COXFA4: variants seen among roughly 807,000 people sequenced by gnomAD.
The protein encoded by COXFA4 is cytochrome c oxidase associated subunit FA4, also known as cytochrome c oxidase subunit FA4.
the COXFA4 span, chr7:10,933,697 G>A: frequency 4.6e-5 from 74 of 1,603,514 alleles, no homozygotes; most frequent in African/African-American, 7.2e-4. Flanking sequence ...GTAGAACTTG[G>A]AACAGAAAAA....
At chr7:10,939,974 G>A in the COXFA4 span, 3 of 1,610,716 alleles carry the variant, frequency 1.9e-6, no homozygotes, top group Admixed American at 3.3e-5. Flanking sequence ...CCCGACGCAA[G>A]AAGGACAAGG....
At chr7:10,938,259 G>A in the COXFA4 span, 1 of 928,704 alleles carries the variant, frequency 1.1e-6, no homozygotes, top group African/African-American at 1.7e-5. Flanking sequence ...GATGAGGTAT[G>A]GTGTTATTTC....
the COXFA4 span, among the ~76,000 whole-genome samples, chr7:10,936,699 A>C: frequency 6.6e-6 from 1 of 152,162 alleles, no homozygotes. Context: ...AATTATAATC[A>C]GGTTAAGGGG....
chr7:10,932,767 T>G, the COXFA4 span: 4 of 152,220 alleles, frequency 2.6e-5, no homozygotes, highest in East Asian at 5.8e-4. Context: ...CTCAAGAGTT[T>G]GAGACCAGCC....
At chr7:10,935,702 T>C in the COXFA4 span, among the ~76,000 whole-genome samples, 3 of 152,194 alleles carry the variant, frequency 2.0e-5, no homozygotes, top group Admixed American at 6.5e-5. Flanking sequence ...AGGAACAGAA[T>C]TGGTTGGCAC....
At chr7:10,937,941 C>A in the COXFA4 span, 1 of 657,154 alleles carries the variant, frequency 1.5e-6, no homozygotes, top group East Asian at 2.7e-5. Flanking sequence ...AGCAATATAC[C>A]ATTTTCATTT....
At chr7:10,935,832 C>T in the COXFA4 span, among the ~76,000 whole-genome samples, 4 of 152,010 alleles carry the variant, frequency 2.6e-5, no homozygotes, top group Admixed American at 6.5e-5. Context: ...CGGCTTACAA[C>T]GACAAAAGTT....
the COXFA4 span, chr7:10,938,705 G>T: frequency 1.2e-6 from 1 of 830,942 alleles, no homozygotes. Flanking sequence ...GACTGTAAAT[G>T]TAACATTCTT....
the COXFA4 span, chr7:10,939,821 C>G: frequency 1.4e-6 from 1 of 707,890 alleles, no homozygotes; most frequent in African/African-American, 1.8e-5. Context: ...TCCTGTCAGA[C>G]AAAACCCCAC....
chr7:10,939,030 T>A, the COXFA4 span: 34 of 681,196 alleles, frequency 5.0e-5, no homozygotes, highest in African/African-American at 9.0e-5. Context: ...AAAATTTAAA[T>A]AAAGTAGATC....
At chr7:10,932,380 T>C in the COXFA4 span, 1 of 152,236 alleles carries the variant, frequency 6.6e-6, no homozygotes, top group Non-Finnish European at 1.5e-5. Flanking sequence ...CAAAACTACA[T>C]GGGTGTAAAT....
At chr7:10,937,286 T>C in the COXFA4 span, among the ~76,000 whole-genome samples, 1 of 151,868 alleles carries the variant, frequency 6.6e-6, no homozygotes, top group African/African-American at 2.4e-5. Flanking sequence ...CCTTGGTTTT[T>C]TGGGTTTTTT....
At chr7:10,939,697 A>G in the COXFA4 span, 1 of 430,350 alleles carries the variant, frequency 2.3e-6, no homozygotes, top group Non-Finnish European at 4.3e-6. Context: ...CACAGCGCAC[A>G]TCTATCCCTC....
the COXFA4 span, chr7:10,939,293 G>C: frequency 4.5e-6 from 1 of 219,808 alleles, no homozygotes; most frequent in Non-Finnish European, 9.3e-6. Flanking sequence ...TTATTTAAGG[G>C]TGCCTCTATA....
chr7:10,937,554 A>C, the COXFA4 span, among the ~76,000 whole-genome samples: 1 of 152,178 alleles, frequency 6.6e-6, no homozygotes, highest in Non-Finnish European at 1.5e-5. Context: ...AAGTGCTGGG[A>C]TTACAGGCAT....
chr7:10,933,755 T>C, the COXFA4 span: 1 of 1,231,612 alleles, frequency 8.1e-7, no homozygotes, highest in East Asian at 2.4e-5. Flanking sequence ...ACAAAGGTTT[T>C]AGAATTCTTT....
At chr7:10,936,871 A>T in the COXFA4 span, among the ~76,000 whole-genome samples, 3 of 152,056 alleles carry the variant, frequency 2.0e-5, no homozygotes, top group African/African-American at 7.2e-5. Context: ...CCCCATCTCT[A>T]CTAAAAACAC....
chr7:10,938,217 A>G, the COXFA4 span: 2 of 1,327,356 alleles, frequency 1.5e-6, no homozygotes, highest in Admixed American at 1.7e-5. Context: ...CTAAGAATAC[A>G]TTTTTGAACA....
chr7:10,935,603 A>T, the COXFA4 span, among the ~76,000 whole-genome samples: 4 of 152,168 alleles, frequency 2.6e-5, no homozygotes, highest in Non-Finnish European at 5.9e-5. Context: ...TTAGGTCATG[A>T]GGGTGGAACA....
Sources: allele counts gnomAD v4.1 joint callset (sites outside exome capture counted in the v4.1 genomes callset), GRCh38; gene constraint gnomAD v4.1.1; transcripts MANE v1.5; gene names NCBI Gene and HGNC (gene_info 2026-07-23, HGNC 2026-07-21).